KLHL29: variants seen among roughly 807,000 people sequenced by gnomAD.
KLHL29 encodes the protein kelch like family member 29, also known as kelch-like protein 29.
In KLHL29, 21 loss-of-function variants were observed where a neutral mutation model predicts 80.4. The ratio of observed to expected loss-of-function variants is 0.26; its 90% CI spans 0.19 to 0.38. The LOEUF (loss-of-function observed/expected upper bound fraction) is 0.38, where lower values mean the gene tolerates loss of function less well. Among genes scored for constraint, KLHL29 ranks in the 10% least tolerant of loss-of-function variants. The probability of loss-of-function intolerance (pLI) is 1.00; values close to 1 mark genes in which losing one functional copy is unlikely to be tolerated. For synonymous variants in KLHL29, 511 were observed against 526.8 expected (o/e 0.97, Z 0.41); for missense variants, 867 against 1,223.9 (o/e 0.71, Z 4.35).
At chr2:23,512,986 T>A (rs1393466704) in intron 2 of KLHL29, among the ~76,000 whole-genome samples, 1 of 152,244 alleles carries the variant, frequency 6.6e-6, no homozygotes, top group Non-Finnish European at 1.5e-5. Context: ...GGCTGTGGGA[T>A]GTGGCTCAGG....
chr2:23,601,020 C>T (rs1012420063), intron 3 of KLHL29, among the ~76,000 whole-genome samples: 9 of 152,150 alleles, frequency 5.9e-5, no homozygotes, highest in African/African-American at 1.9e-4. Flanking sequence ...TTGCCATTCC[C>T]GTTTTATAGA....
intron 2 of KLHL29, among the ~76,000 whole-genome samples, chr2:23,521,529 T>C (rs1666103573): frequency 6.6e-6 from 1 of 152,134 alleles, no homozygotes; most frequent in Non-Finnish European, 1.5e-5. Context: ...AGTCATGAGC[T>C]CCCTCAGCAT....
chr2:23,661,373 A>AACAGGAGGG (rs1271897348), intron 5 of KLHL29, among the ~76,000 whole-genome samples: 2 of 149,598 alleles, frequency 1.3e-5, no homozygotes, highest in Non-Finnish European at 3.0e-5. Flanking sequence ...AAAATGTTTT[A>AACAGGAGGG]ACAGGAGGGA....
At chr2:23,611,772 T>C (rs1668876293) in intron 3 of KLHL29, among the ~76,000 whole-genome samples, 1 of 151,906 alleles carries the variant, frequency 6.6e-6, no homozygotes, top group African/African-American at 2.4e-5. Flanking sequence ...AAGACCAAAA[T>C]TGGAATTTTC....
At chr2:23,460,449 T>G (rs1042808004) in intron 1 of KLHL29, among the ~76,000 whole-genome samples, 6 of 152,176 alleles carry the variant, frequency 3.9e-5, no homozygotes, top group African/African-American at 1.4e-4. Flanking sequence ...TGGCCTCTAG[T>G]GGGTGGAGGC....
At chr2:23,563,855 A>G (rs1667517498) in intron 3 of KLHL29, among the ~76,000 whole-genome samples, 1 of 152,216 alleles carries the variant, frequency 6.6e-6, no homozygotes, top group Non-Finnish European at 1.5e-5. Flanking sequence ...CGGGGAGGGA[A>G]AGAATGTTGG....
At chr2:23,620,150 A>T (rs1204407406) in intron 3 of KLHL29, among the ~76,000 whole-genome samples, 2 of 152,072 alleles carry the variant, frequency 1.3e-5, no homozygotes, top group Non-Finnish European at 2.9e-5. Context: ...GCTTAGGCTG[A>T]TGTGTGGAGA....
chr2:23,694,874 G>C (rs1301216647), intron 8 of KLHL29, among the ~76,000 whole-genome samples: 2 of 152,048 alleles, frequency 1.3e-5, no homozygotes, highest in Non-Finnish European at 2.9e-5. Flanking sequence ...TGCCCCTCGT[G>C]AATTTTTCAT....
chr2:23,498,276 T>C (rs561124676), intron 2 of KLHL29, among the ~76,000 whole-genome samples: 1 of 152,346 alleles, frequency 6.6e-6, no homozygotes, highest in African/African-American at 2.4e-5. Flanking sequence ...GTCTGAGATA[T>C]GAGCAGCAGT....
In KLHL29 at chr2:23,682,614, T is replaced by C. The variant is rs1192238403; in HGVS notation, c.941-1785T>C. 1.3e-5 allele frequency among the ~76,000 whole-genome samples: 2 copies of C among 152,144 alleles called. No homozygotes were observed. Among genetic ancestry groups the C allele is most frequent in the African/African-American group, 4.8e-5 (2 of 41,416 alleles). The stretch of plus-strand genomic sequence containing the variant: ...TCTGGCCCCGCCCACCGCCTCATTG[T>C]GTTCCCTGTTGCCCATGGCCCTTTT... On this transcript the variant is annotated intron_variant, in intron 5 of 13. Coordinates refer to ENST00000486442, the MANE Select transcript of KLHL29 (RefSeq NM_052920.2). This position sits in a 1 kb window ranked among gnomAD's most constrained non-coding sequence, Gnocchi z 4.1.
intron 1 of KLHL29, among the ~76,000 whole-genome samples, chr2:23,466,349 T>C (rs987617564): frequency 6.6e-6 from 1 of 152,268 alleles, no homozygotes; most frequent in Non-Finnish European, 1.5e-5. Flanking sequence ...TCTATGTGTT[T>C]CTTTTTATCA....
At chr2:23,592,067 G>T (rs1668276401) in intron 3 of KLHL29, among the ~76,000 whole-genome samples, 1 of 152,216 alleles carries the variant, frequency 6.6e-6, no homozygotes, top group East Asian at 1.9e-4. Context: ...AGTGAATGAT[G>T]GGCTTTTCTT....
chr2:23,575,692 C>T (rs1667825835), intron 3 of KLHL29, among the ~76,000 whole-genome samples: 2 of 152,210 alleles, frequency 1.3e-5, no homozygotes, highest in African/African-American at 4.8e-5. Context: ...TGTGGAGACA[C>T]AGGCCTGCCT....
intron 3 of KLHL29, among the ~76,000 whole-genome samples, chr2:23,611,226 A>G (rs6712940): frequency 0.41 from 62,236 of 151,992 alleles, 12,958 homozygotes; most frequent in East Asian, 0.65. Context: ...CCGTGGAGGT[A>G]AGCCTTATGC....
chr2:23,569,984 C>A (rs1667678839), intron 3 of KLHL29, among the ~76,000 whole-genome samples: 1 of 152,196 alleles, frequency 6.6e-6, no homozygotes, highest in Non-Finnish European at 1.5e-5. Context: ...GATTACCAGT[C>A]AGTTTCAACA....
chr2:23,573,906 A>T (rs998272144), intron 3 of KLHL29, among the ~76,000 whole-genome samples: 1 of 152,022 alleles, frequency 6.6e-6, no homozygotes, highest in African/African-American at 2.4e-5. Context: ...CCGCTTTCAG[A>T]GGTGTTGGCC....
chr2:23,476,332 T>C (rs969681654), intron 2 of KLHL29, among the ~76,000 whole-genome samples: 2 of 152,166 alleles, frequency 1.3e-5, no homozygotes, highest in Admixed American at 1.3e-4. Flanking sequence ...TTATTAAATA[T>C]CATGAAAATA....
At chr2:23,473,736 G>A (rs1296164626) in intron 1 of KLHL29, among the ~76,000 whole-genome samples, 2 of 152,142 alleles carry the variant, frequency 1.3e-5, no homozygotes, top group Admixed American at 6.5e-5. Context: ...ATGGTGGCTG[G>A]GATCTTTGGG....
At chr2:23,594,390 G>A (rs900392560) in intron 3 of KLHL29, among the ~76,000 whole-genome samples, 2 of 152,144 alleles carry the variant, frequency 1.3e-5, no homozygotes, top group African/African-American at 4.8e-5. Flanking sequence ...CTGGACCCAA[G>A]ACCAGGGACA....
Sources: allele counts gnomAD v4.1 joint callset (sites outside exome capture counted in the v4.1 genomes callset), GRCh38; gene constraint gnomAD v4.1.1; non-coding constraint Gnocchi (gnomAD v3.1); transcripts MANE v1.5; gene names NCBI Gene and HGNC (gene_info 2026-07-23, HGNC 2026-07-21).